HEXD: variants seen among roughly 807,000 people sequenced by gnomAD.
HEXD encodes N-acetyl-beta-galactosaminidase.
Under a neutral mutation model 54.2 loss-of-function variants are expected in HEXD, and 47 were observed. The observed-to-expected ratio is 0.87, with a 90% CI of 0.69 to 1.11. The LOEUF (loss-of-function observed/expected upper bound fraction) is 1.11, where lower values mean the gene tolerates loss of function less well. Ranked by LOEUF, HEXD falls within the 50% of genes least tolerant of loss-of-function variation. The pLI is 0.00. For missense variants in HEXD, 576 were observed against 649.2 expected, an observed-to-expected ratio of 0.89 and a Z score of 1.23; for synonymous variants, 293 against 287.6, an observed-to-expected ratio of 1.02 and a Z score of -0.19.
chr17:82,428,703 C>T, intron 4 of HEXD, 58 bp downstream of exon 4: 2 of 1,471,532 alleles, frequency 1.4e-6, no homozygotes, highest in Non-Finnish European at 1.9e-6. Flanking sequence ...GGGCTGCAGG[C>T]TGGGCCAGGC....
intron 4 of HEXD, among the ~76,000 whole-genome samples, chr17:82,433,049 G>A: frequency 1.1e-5 from 1 of 92,620 alleles, no homozygotes; most frequent in African/African-American, 4.2e-5. Flanking sequence ...CTGGGCGGCA[G>A]AGCAAGACTC....
chr17:82,423,827 A>AG (rs981109930), intron 2 of HEXD, among the ~76,000 whole-genome samples: 9 of 151,146 alleles, frequency 6.0e-5, no homozygotes, highest in African/African-American at 2.2e-4. Context: ...AAAAAAAAAA[A>AG]AGAGAGAAAG....
intron 8 of HEXD, among the ~76,000 whole-genome samples, chr17:82,438,641 T>C (rs747961203): frequency 2.0e-5 from 3 of 152,168 alleles, no homozygotes; most frequent in Non-Finnish European, 2.9e-5. Flanking sequence ...GCGCAGGTGA[T>C]GTGGGCTAGG....
chr17:82,435,310 G>A (rs755745391), intron 5 of HEXD, among the ~76,000 whole-genome samples: 6 of 152,136 alleles, frequency 3.9e-5, no homozygotes, highest in Admixed American at 6.5e-5. Flanking sequence ...CACGGGTACC[G>A]AGTCACACAG....
At position 82,418,552 on chromosome 17, in the gene HEXD, G is replaced by T; in HGVS notation, c.-240G>T. 1 of 893,344 alleles carries T rather than the reference G, an allele frequency of 1.1e-6. No individual in the cohort carries two copies. The highest frequency in any genetic ancestry group is 3.1e-5 in the South Asian group (1 of 32,632). 55.3% of individuals were successfully genotyped at this position (893,344 alleles called of 1,614,324 possible). On this transcript the variant is annotated 5_prime_UTR_variant, in exon 1 of 13. Coordinates refer to ENST00000327949, the MANE Select transcript of HEXD (RefSeq NM_001330542.2). ...GGCCCGGGGACGAACGCCGTAACAGGGAGCGCGAGGCAGGCACGGCGCAGG... is the reference window on the plus strand; with the variant it reads ...GGCCCGGGGACGAACGCCGTAACAGTGAGCGCGAGGCAGGCACGGCGCAGG...
At position 82,436,626 on chromosome 17, in the gene HEXD, G is replaced by T. The variant is rs553257482; in HGVS notation, c.632-41G>T. ...GTGGGTCCGAGGGGCTGAGAGTGTG[G>T]TCCAGGTGTCTCACCAACCTCACGT... On this transcript the variant is annotated intron_variant, in intron 6 of 12. Transcript: ENST00000327949. The T allele has an allele frequency of 2.3e-5, 36 of 1,557,628 alleles. 1 individual carries two copies. The South Asian group carries it at 3.9e-4, about 17-fold the overall frequency.
At position 82,441,034 on chromosome 17, in the gene HEXD, C is replaced by T. The variant is rs776547002; in HGVS notation, c.1020C>T (p.Asn340=). 19 of 1,613,510 alleles carry T rather than the reference C, an allele frequency of 1.2e-5. No individual in the cohort carries two copies. Among genetic ancestry groups the T allele is most frequent in the Non-Finnish European group, 1.6e-5 (19 of 1,180,006 alleles). Residue 340 remains asparagine, a synonymous_variant, in exon 10 of 13, where the codon AAC becomes AAT. Coordinates refer to ENST00000327949, the MANE Select transcript of HEXD (RefSeq NM_001330542.2). ...FDEDVKAKVE[N]LLGISSLEKT... is the part of the protein sequence containing the mutation. The stretch of plus-strand genomic sequence containing the variant: ...AAGATGTTAAAGCGAAAGTGGAGAA[C>T]CTTCTCGGGATTTCCAGCCTGGAAA...
At chr17:82,423,016 C>T (rs2053282014) in intron 2 of HEXD, among the ~76,000 whole-genome samples, 1 of 151,728 alleles carries the variant, frequency 6.6e-6, no homozygotes, top group South Asian at 2.1e-4. Context: ...GAGATCGTGC[C>T]ACTGCACTCC....
rs569739931 is a variant in HEXD at position 82,441,198 on chromosome 17, C to T, written c.1095C>T (p.Ile365=). 2 of 1,613,166 alleles carry T rather than the reference C, an allele frequency of 1.2e-6. No individual in the cohort carries two copies. Among genetic ancestry groups the T allele is most frequent in the African/African-American group, 2.7e-5 (2 of 75,038 alleles). ...EGAGSFPGSN[I]LALVTQVSLH... ...CCGGCTCCTTCCCTGGCAGCAACATCCTTGCCCTTGTCACACAAGTCAGCC... is the reference window on the plus strand; with the variant it reads ...CCGGCTCCTTCCCTGGCAGCAACATTCTTGCCCTTGTCACACAAGTCAGCC... The change falls in exon 11 of 13, where the codon ATC becomes ATT. Residue 365 remains isoleucine (I), a synonymous_variant. Coordinates refer to ENST00000327949, the MANE Select transcript of HEXD (RefSeq NM_001330542.2).
chr17:82,433,091 A>AATATATATATAT (rs1555617646), intron 4 of HEXD, among the ~76,000 whole-genome samples: 2 of 13,232 alleles, frequency 1.5e-4, no homozygotes, highest in Non-Finnish European at 1.0e-4. Context: ...AAAAAAAAAA[A>AATATATATATAT]ATATATATAT....
chr17:82,420,591 G>A (rs748244128), intron 2 of HEXD, among the ~76,000 whole-genome samples: 4 of 152,118 alleles, frequency 2.6e-5, no homozygotes, highest in African/African-American at 4.8e-5. Flanking sequence ...TTTTTGAGAC[G>A]GAGTCTCGCT....
Position 82,433,128 on chromosome 17 carries a change from ATT to A in HEXD, c.283-515_283-514del, listed in dbSNP as rs758489285. On this transcript the variant is annotated intron_variant, in intron 4 of 12. Coordinates refer to ENST00000327949, the MANE Select transcript of HEXD (RefSeq NM_001330542.2). ...TATATATATATATATATATATATAT[ATT>A]TTTTTTTTTTTTTTATATATATATT... Among the ~76,000 whole-genome samples, 60 of 13,068 alleles carry A rather than the reference ATT, an allele frequency of 4.6e-3. 1 individual carries two copies. The highest frequency in any genetic ancestry group is 9.1e-3 in the South Asian group (2 of 220). The allele number at this position is 13,068 out of a possible 152,430, so 8.6% of individuals were successfully genotyped here.
chr17:82,421,783 G>A (rs1257386485), intron 2 of HEXD, among the ~76,000 whole-genome samples: 3 of 152,016 alleles, frequency 2.0e-5, no homozygotes, highest in East Asian at 1.9e-4. Flanking sequence ...CCAAGATTGC[G>A]CCACTGCACT....
At chr17:82,441,328 G>GA in intron 11 of HEXD, 62 bp downstream of exon 11, 1 of 1,413,654 alleles carries the variant, frequency 7.1e-7, no homozygotes, top group Non-Finnish European at 9.6e-7. Context: ...GGGTGCAGGT[G>GA]AGGGGGCAGG....
Position 82,419,643 on chromosome 17 carries a change from A to C in HEXD, c.-51-106A>C, listed in dbSNP as rs926673332. On this transcript the variant is annotated intron_variant, in intron 1 of 12. Transcript: ENST00000327949. ...TAGCAAAATGAGTTTCCTCCAAGTT[A>C]ATCTATCAAAACTGGCCAGTATCAG... 7.7e-6 allele frequency: 4 copies of C among 520,950 alleles called. No individual in the cohort carries two copies. In the Admixed American group the frequency reaches 1.4e-4, roughly 19 times the overall value. The allele number at this position is 520,950 out of a possible 1,614,324, so 32.3% of individuals were successfully genotyped here.
rs1354226403 is a variant in HEXD at position 82,442,074 on chromosome 17, C to T, written c.1254-103C>T. On this transcript the variant is annotated intron_variant, in intron 12 of 12. Coordinates refer to ENST00000327949, the MANE Select transcript of HEXD (RefSeq NM_001330542.2). This position sits in a 1 kb window ranked among gnomAD's most constrained non-coding sequence, Gnocchi z 6.8. Reference sequence around the variant, plus strand: ...CATGCCGATGAGGTAGGGTCAGTAGCCCCATTTCACAGGTGAACTGAGGCA... The same window carrying T: ...CATGCCGATGAGGTAGGGTCAGTAGTCCCATTTCACAGGTGAACTGAGGCA... The T allele has an allele frequency of 2.6e-5, 37 of 1,427,144 alleles. No individual in the cohort carries two copies. The highest frequency in any genetic ancestry group is 3.3e-5 in the Non-Finnish European group (34 of 1,043,718). 88.4% of individuals were successfully genotyped at this position (1,427,144 alleles called of 1,614,324 possible). A position where few individuals can be genotyped will look rare whatever the true frequency, so the allele number is the denominator to read the frequency against.
chr17:82,429,642 G>C (rs1402034189), intron 4 of HEXD, among the ~76,000 whole-genome samples: 1 of 152,028 alleles, frequency 6.6e-6, no homozygotes, highest in East Asian at 1.9e-4. Flanking sequence ...TTTCCTGCTG[G>C]GCCCCTCGGT....
At position 82,434,045 on chromosome 17, in the gene HEXD, C is replaced by T. The variant is rs1159118835; in HGVS notation, c.447+223C>T. ...GTGTCAGACGCGTCCAACATCTTCT[C>T]CGGGTGGATGGGCGGCCTGGCACGG... On this transcript the variant is annotated intron_variant, in intron 5 of 12. Transcript: ENST00000327949. This position sits in a 1 kb window ranked among gnomAD's most constrained non-coding sequence, Gnocchi z 4.5. 6.6e-6 allele frequency among the ~76,000 whole-genome samples: 1 copy of T among 151,658 alleles called. No individual in the cohort carries two copies. Among genetic ancestry groups the T allele is most frequent in the Non-Finnish European group, 1.5e-5 (1 of 67,892 alleles).
chr17:82,437,190 G>C lies in HEXD; in HGVS notation c.726G>C (p.Arg242=). The change falls in exon 8 of 13, where the codon CGG becomes CGC. Residue 242 remains arginine (R), a synonymous_variant. Coordinates refer to ENST00000327949, the MANE Select transcript of HEXD (RefSeq NM_001330542.2). ...HGKVLLMQKY[R]RCGFPQLWAA... Reference sequence around the variant, plus strand: ...CAGTCCTCCTCATGCAGAAGTACCGGCGGTGCGGCTTTCCGCAGCTGTGGG... The same window carrying C: ...CAGTCCTCCTCATGCAGAAGTACCGCCGGTGCGGCTTTCCGCAGCTGTGGG... 1 of 1,596,840 alleles carries C rather than the reference G, an allele frequency of 6.3e-7. No individual in the cohort carries two copies. The highest frequency in any genetic ancestry group is 8.6e-7 in the Non-Finnish European group (1 of 1,169,280).
Sources: allele counts gnomAD v4.1 joint callset (sites outside exome capture counted in the v4.1 genomes callset), GRCh38; gene constraint gnomAD v4.1.1; non-coding constraint Gnocchi (gnomAD v3.1); transcripts MANE v1.5; gene names NCBI Gene and HGNC (gene_info 2026-07-23, HGNC 2026-07-21).